NELL1: variants seen among roughly 807,000 people sequenced by gnomAD.
NELL1 encodes protein kinase C-binding protein NELL1.
Under a neutral mutation model 107.4 loss-of-function variants are expected in NELL1, and 76 were observed. The ratio of observed to expected loss-of-function variants is 0.71; its 90% confidence interval spans 0.59 to 0.86. NELL1 has a LOEUF of 0.86. Ranked by LOEUF, NELL1 falls within the 40% of genes least tolerant of loss-of-function variation. The probability of loss-of-function intolerance (pLI) is 0.00; values close to 1 mark genes in which losing one functional copy is unlikely to be tolerated. For synonymous variants in NELL1, 353 were observed against 341.2 expected (o/e 1.03, Z -0.38); for missense variants, 1,024 against 1,005.5 (o/e 1.02, Z -0.25).
At chr11:20,997,285 G>C (rs1438186726) in intron 12 of NELL1, among the ~76,000 whole-genome samples, 1 of 152,130 alleles carries the variant, frequency 6.6e-6, no homozygotes, top group Non-Finnish European at 1.5e-5. Flanking sequence ...GTGAGACATG[G>C]TAAGACTAAA....
intron 13 of NELL1, among the ~76,000 whole-genome samples, chr11:21,214,582 T>C (rs994248871): frequency 9.2e-5 from 14 of 152,136 alleles, no homozygotes; most frequent in African/African-American, 3.4e-4. Context: ...CATTCAGACA[T>C]TGCTGATGAG....
intron 13 of NELL1, among the ~76,000 whole-genome samples, chr11:21,202,246 C>T (rs148339320): frequency 0.037 from 5,644 of 152,242 alleles, 126 homozygotes; most frequent in Middle Eastern, 0.075. Flanking sequence ...GCTGTGAATC[C>T]GTCTGGTCCT....
intron 5 of NELL1, among the ~76,000 whole-genome samples, chr11:20,908,738 A>AATC (rs1438888851): frequency 1.3e-5 from 2 of 152,236 alleles, no homozygotes; most frequent in Non-Finnish European, 2.9e-5. Context: ...TAAAAAATAA[A>AATC]ATCACGCAGC....
intron 14 of NELL1, among the ~76,000 whole-genome samples, chr11:21,258,799 C>A (rs1858834735): frequency 6.6e-6 from 1 of 152,060 alleles, no homozygotes; most frequent in African/African-American, 2.4e-5. Context: ...TTTATGAATC[C>A]ATTTTTATAA....
intron 1 of NELL1, among the ~76,000 whole-genome samples, chr11:20,676,224 C>T (rs919134505): frequency 2.6e-5 from 4 of 151,896 alleles, no homozygotes; most frequent in Non-Finnish European, 4.4e-5. Flanking sequence ...TTGAAAGAAA[C>T]TTTTCAACCC....
intron 3 of NELL1, among the ~76,000 whole-genome samples, chr11:20,808,697 G>A (rs1160489686): frequency 6.6e-6 from 1 of 152,182 alleles, no homozygotes; most frequent in Non-Finnish European, 1.5e-5. Context: ...CTGACCATTG[G>A]GATTGGGGAT....
chr11:21,560,194 G>A lies in NELL1; in HGVS notation c.1792G>A (p.Asp598Asn), dbSNP rs1440044778. Reference sequence around the variant, plus strand: ...CTGTGCTTCCTATATTGCAGACATTGATGAATGTGCCTTAAGAACTCACAC... The same window carrying A: ...CTGTGCTTCCTATATTGCAGACATTAATGAATGTGCCTTAAGAACTCACAC... ...SLSGESCIDI[D>N]ECALRTHTCW... is the part of the protein sequence containing the mutation. The change falls in exon 17 of 20, where the codon GAT becomes AAT. Residue 598 changes from aspartate (D) to asparagine (N), a missense_variant. By Grantham distance (23) the Asp-to-Asn change is conservative (BLOSUM62 1). Transcript: ENST00000357134. The A allele has an allele frequency of 1.2e-6, 2 of 1,613,422 alleles. No individual in the cohort carries two copies. The highest frequency in any genetic ancestry group is 3.3e-5 in the Admixed American group (2 of 59,970).
intron 16 of NELL1, among the ~76,000 whole-genome samples, chr11:21,536,624 C>T (rs1474567113): frequency 6.6e-6 from 1 of 152,216 alleles, no homozygotes; most frequent in South Asian, 2.1e-4. Context: ...AGCGAATGGG[C>T]TTTTTTCTTC....
intron 12 of NELL1, among the ~76,000 whole-genome samples, chr11:20,993,892 CAA>C (rs66593988): frequency 0.035 from 4,428 of 124,774 alleles, 205 homozygotes; most frequent in African/African-American, 0.12. Context: ...TCTTTGTTGC[CAA>C]AAAAAAAAAA....
intron 15 of NELL1, among the ~76,000 whole-genome samples, chr11:21,527,380 C>T (rs1433815462): frequency 6.6e-6 from 1 of 152,126 alleles, no homozygotes; most frequent in Non-Finnish European, 1.5e-5. Flanking sequence ...TCCAAACTTT[C>T]CCACATTTTC....
chr11:21,540,018 C>T (rs577792985), intron 16 of NELL1, among the ~76,000 whole-genome samples: 1 of 151,814 alleles, frequency 6.6e-6, no homozygotes, highest in Admixed American at 6.6e-5. Flanking sequence ...TAGATTGACA[C>T]CATTTTCTAA....
intron 2 of NELL1, among the ~76,000 whole-genome samples, chr11:20,700,118 T>C (rs1384495786): frequency 6.9e-6 from 1 of 144,682 alleles, no homozygotes; most frequent in Non-Finnish European, 1.5e-5. Context: ...TACAGAACTG[T>C]TTTTAGAAAA....
Position 20,786,989 on chromosome 11 carries a change from A to C in NELL1, c.335+3159A>C, listed in dbSNP as rs372039196. On this transcript the variant is annotated intron_variant, in intron 3 of 19. Transcript: ENST00000357134. Reference sequence around the variant, plus strand: ...CGCCACTGCACTCCAGCCTAGGCGAAAGAGCGAGACTCCGTCTCAAAAAAA... The same window carrying C: ...CGCCACTGCACTCCAGCCTAGGCGACAGAGCGAGACTCCGTCTCAAAAAAA... 1.4e-3 allele frequency among the ~76,000 whole-genome samples: 191 copies of C among 136,118 alleles called. 1 individual carries two copies. The highest frequency in any genetic ancestry group is 0.011 in the Middle Eastern group (3 of 274). 89.3% of individuals were successfully genotyped at this position (136,118 alleles called of 152,430 possible). A position where few individuals can be genotyped will look rare whatever the true frequency, so the allele number is the denominator to read the frequency against.
At chr11:21,531,188 T>C (rs1221349259) in intron 15 of NELL1, among the ~76,000 whole-genome samples, 1 of 152,146 alleles carries the variant, frequency 6.6e-6, no homozygotes, top group Non-Finnish European at 1.5e-5. Context: ...CACACACATA[T>C]ACGTATATAG....
intron 13 of NELL1, among the ~76,000 whole-genome samples, chr11:21,207,286 T>C (rs1417228169): frequency 6.6e-6 from 1 of 152,156 alleles, no homozygotes; most frequent in Non-Finnish European, 1.5e-5. Flanking sequence ...TTGCTCACAT[T>C]TTCAGGTGAC....
chr11:20,712,878 T>A (rs937659801), intron 2 of NELL1, among the ~76,000 whole-genome samples: 1 of 152,110 alleles, frequency 6.6e-6, no homozygotes, highest in Admixed American at 6.6e-5. Flanking sequence ...CTGGTGGAGG[T>A]GGCAGGGGAG....
At chr11:21,201,066 A>C (rs1434714286) in intron 13 of NELL1, among the ~76,000 whole-genome samples, 1 of 152,142 alleles carries the variant, frequency 6.6e-6, no homozygotes, top group Non-Finnish European at 1.5e-5. Context: ...AGGTAGCGTG[A>C]TGCTTCCAGC....
intron 3 of NELL1, among the ~76,000 whole-genome samples, chr11:20,831,331 C>T (rs554315936): frequency 6.6e-6 from 1 of 152,248 alleles, no homozygotes; most frequent in Non-Finnish European, 1.5e-5. Context: ...TCAGAGCCTG[C>T]ATTTTGACAA....
rs199882441 is a variant in NELL1 at position 20,885,514 on chromosome 11, C to A, written c.577C>A (p.Arg193Ser). ...PPGINLWLGQRNQKHGLFKGI... is the reference protein window; with the variant it reads ...PPGINLWLGQSNQKHGLFKGI... ...AGGAATCAATTTATGGCTTGGCCAG[C>A]GCAACCAAAAGCATGGCTTATTCAA... Residue 193 changes from arginine (R) to serine (S), a missense_variant, in exon 5 of 20, where the codon CGC becomes AGC. Coordinates refer to ENST00000357134, the MANE Select transcript of NELL1 (RefSeq NM_006157.5). 1.2e-6 allele frequency: 2 copies of A among 1,611,502 alleles called. No homozygotes were observed. The highest frequency in any genetic ancestry group is 1.7e-6 in the Non-Finnish European group (2 of 1,177,624).
Sources: allele counts gnomAD v4.1 joint callset (sites outside exome capture counted in the v4.1 genomes callset), GRCh38; gene constraint gnomAD v4.1.1; transcripts MANE v1.5; gene names NCBI Gene and HGNC (gene_info 2026-07-23, HGNC 2026-07-21).